Variants in GRM5 observed in about 807,000 individuals in gnomAD.
The protein encoded by GRM5 is glutamate metabotropic receptor 5.
Under a neutral mutation model 83.1 loss-of-function variants are expected in GRM5, and 19 were observed. That is an observed-to-expected ratio of 0.23 (90% CI 0.16 to 0.34). The LOEUF is 0.34. Ranked by LOEUF, GRM5 falls within the 10% of genes least tolerant of loss-of-function variation. The probability of loss-of-function intolerance (pLI) is 1.00; values close to 1 mark genes in which losing one functional copy is unlikely to be tolerated. For missense variants in GRM5, 1,160 were observed against 1,588.3 expected (o/e 0.73, Z 4.58); for synonymous variants, 675 against 633.6 (o/e 1.07, Z -0.98).
chr11:89,054,937 A>G (rs1157986084), intron 1 of GRM5, among the ~76,000 whole-genome samples: 2 of 152,220 alleles, frequency 1.3e-5, no homozygotes, highest in Admixed American at 1.3e-4. Context: ...ATTTATAAAT[A>G]TAGTAATACA....
intron 3 of GRM5, among the ~76,000 whole-genome samples, chr11:88,838,663 C>T (rs1944137230): frequency 6.6e-6 from 1 of 152,104 alleles, no homozygotes; most frequent in African/African-American, 2.4e-5. Flanking sequence ...CTTTATGTGA[C>T]TCTACAGTTA....
chr11:88,960,530 G>A (rs1323246972), intron 2 of GRM5, among the ~76,000 whole-genome samples: 12 of 152,112 alleles, frequency 7.9e-5, no homozygotes, highest in Admixed American at 7.2e-4. Flanking sequence ...GTTAATGCTT[G>A]GTGCAACAGA....
chr11:88,882,893 G>A (rs1166989015), intron 2 of GRM5, among the ~76,000 whole-genome samples: 3 of 152,080 alleles, frequency 2.0e-5, no homozygotes, highest in Admixed American at 1.3e-4. Flanking sequence ...TCTCATGACC[G>A]TGAATAAGTC....
At chr11:88,559,255 A>G (rs1942702089) in intron 8 of GRM5, among the ~76,000 whole-genome samples, 1 of 152,122 alleles carries the variant, frequency 6.6e-6, no homozygotes, top group African/African-American at 2.4e-5. Flanking sequence ...AGATGCAGGG[A>G]GCAGTTTTCA....
chr11:88,809,174 G>A (rs1367568971), intron 3 of GRM5, among the ~76,000 whole-genome samples: 1 of 152,004 alleles, frequency 6.6e-6, no homozygotes, highest in Non-Finnish European at 1.5e-5. Flanking sequence ...TCTTATAAGG[G>A]AGGAATTAAT....
intron 3 of GRM5, among the ~76,000 whole-genome samples, chr11:88,715,056 A>G (rs1447207786): frequency 6.6e-6 from 1 of 152,068 alleles, no homozygotes; most frequent in Non-Finnish European, 1.5e-5. Flanking sequence ...GAACGACTGC[A>G]AATATACAAG....
chr11:88,673,362 G>C (rs1403169945), intron 3 of GRM5, among the ~76,000 whole-genome samples: 1 of 151,856 alleles, frequency 6.6e-6, no homozygotes, highest in Admixed American at 6.6e-5. Context: ...CGAATTTTCT[G>C]ATTTGAGTGA....
At chr11:88,910,675 A>C (rs1394288215) in intron 2 of GRM5, among the ~76,000 whole-genome samples, 1 of 152,114 alleles carries the variant, frequency 6.6e-6, no homozygotes, top group Non-Finnish European at 1.5e-5. Context: ...GGTTAGACAA[A>C]GAGGAATATC....
At chr11:88,827,600 T>G (rs962731029) in intron 3 of GRM5, among the ~76,000 whole-genome samples, 1 of 152,244 alleles carries the variant, frequency 6.6e-6, no homozygotes, top group African/African-American at 2.4e-5. Context: ...TGGTTGGTTG[T>G]TTGAATCCTG....
chr11:88,589,621 G>A (rs774088814), intron 7 of GRM5, among the ~76,000 whole-genome samples: 2 of 152,108 alleles, frequency 1.3e-5, no homozygotes, highest in Non-Finnish European at 2.9e-5. Flanking sequence ...TAGAAGTTTT[G>A]TGCTAAATCC....
chr11:88,905,375 G>T (rs867025062), intron 2 of GRM5, among the ~76,000 whole-genome samples: 4 of 152,184 alleles, frequency 2.6e-5, no homozygotes, highest in Middle Eastern at 3.4e-3. Flanking sequence ...ACGGAGTCTT[G>T]CTCTGTCACC....
At chr11:88,842,592 G>C (rs1050707909) in intron 3 of GRM5, among the ~76,000 whole-genome samples, 2 of 152,116 alleles carry the variant, frequency 1.3e-5, no homozygotes, top group Admixed American at 1.3e-4. Context: ...TGGTGGTCTT[G>C]CCTGTAAATA....
intron 2 of GRM5, among the ~76,000 whole-genome samples, chr11:88,872,809 G>C (rs919819164): frequency 9.9e-5 from 15 of 151,140 alleles, no homozygotes; most frequent in Non-Finnish European, 1.5e-4. Context: ...ATGAAAAAAG[G>C]ATCAACAAAT....
intron 1 of GRM5, among the ~76,000 whole-genome samples, chr11:89,061,179 A>G (rs2135172859): frequency 6.6e-6 from 1 of 152,296 alleles, no homozygotes; most frequent in Admixed American, 6.5e-5. Flanking sequence ...ACATAAAAGT[A>G]CCTCACATGT....
At chr11:88,825,725 T>G (rs1349887884) in intron 3 of GRM5, among the ~76,000 whole-genome samples, 1 of 152,260 alleles carries the variant, frequency 6.6e-6, no homozygotes, top group African/African-American at 2.4e-5. Flanking sequence ...TTAAAATAAA[T>G]TAGGGCAAAT....
chr11:88,828,375 A>G (rs946379402), intron 3 of GRM5, among the ~76,000 whole-genome samples: 9 of 152,202 alleles, frequency 5.9e-5, no homozygotes, highest in African/African-American at 2.2e-4. Flanking sequence ...GTACATTCAC[A>G]ACTTAGGATC....
chr11:88,741,834 G>A lies in GRM5; in HGVS notation c.912-88431C>T, dbSNP rs140618196. On this transcript the variant is annotated intron_variant, in intron 3 of 9. Coordinates refer to ENST00000305447, the MANE Select transcript of GRM5 (RefSeq NM_001143831.3). ...TGTGTGGGTGGGAGGGTTAAGAGAGGATTTCCTGGAGGAAATAGATCCACC... is the reference window on the plus strand; with the variant it reads ...TGTGTGGGTGGGAGGGTTAAGAGAGAATTTCCTGGAGGAAATAGATCCACC... 4.8e-3 allele frequency among the ~76,000 whole-genome samples: 735 copies of A among 152,084 alleles called. 5 individuals are homozygous for A. The highest frequency in any genetic ancestry group is 7.4e-3 in the Non-Finnish European group (500 of 67,968).
intron 3 of GRM5, among the ~76,000 whole-genome samples, chr11:88,800,458 T>G (rs1169798844): frequency 6.6e-6 from 1 of 151,962 alleles, no homozygotes; most frequent in East Asian, 1.9e-4. Flanking sequence ...AATATCAAAA[T>G]TTTTGCTTAT....
At chr11:88,565,918 A>C (rs1845746597) in intron 8 of GRM5, among the ~76,000 whole-genome samples, 1 of 152,244 alleles carries the variant, frequency 6.6e-6, no homozygotes, top group Non-Finnish European at 1.5e-5. Flanking sequence ...TTCAAACTTC[A>C]GCAGACATAG....
Sources: gnomAD v4.1 joint callset for allele counts (sites outside exome capture counted in the v4.1 genomes callset) on GRCh38, gnomAD v4.1.1 for gene constraint, MANE v1.5 for transcripts, NCBI Gene and HGNC (gene_info 2026-07-23, HGNC 2026-07-21) for gene names.